CCDC149: variants seen among roughly 807,000 people sequenced by gnomAD.
CCDC149 encodes coiled-coil domain containing 149, also known as coiled-coil domain-containing protein 149.
In CCDC149, 45 loss-of-function variants were observed where a neutral mutation model predicts 59.9. The ratio of observed to expected loss-of-function variants is 0.75; its 90% CI spans 0.59 to 0.96. CCDC149 has a LOEUF of 0.96. CCDC149 is among the 40% of genes least tolerant of loss of function. CCDC149 has a pLI of 0.00. For synonymous variants in CCDC149, 245 were observed against 260.6 expected, an observed-to-expected ratio of 0.94 and a Z score of 0.58; for missense variants, 584 against 664.7, an observed-to-expected ratio of 0.88 and a Z score of 1.33.
At chr4:24,950,193 G>A (rs991699330) in intron 1 of CCDC149, among the ~76,000 whole-genome samples, 1 of 152,224 alleles carries the variant, frequency 6.6e-6, no homozygotes, top group Non-Finnish European at 1.5e-5. Context: ...ATATCACAGT[G>A]AGAATGCAAA....
At chr4:24,922,268 C>T (rs73250628) in intron 1 of CCDC149, among the ~76,000 whole-genome samples, 17,256 of 152,166 alleles carry the variant, frequency 0.11, 1,080 homozygotes, top group African/African-American at 0.16. Context: ...TCCCCCACCC[C>T]GTTATAACAA....
intron 4 of CCDC149, among the ~76,000 whole-genome samples, chr4:24,844,681 T>C (rs1433200886): frequency 1.3e-5 from 2 of 151,932 alleles, no homozygotes; most frequent in Non-Finnish European, 2.9e-5. Context: ...GCTGAGGCAG[T>C]TGAATTGCTT....
intron 3 of CCDC149, among the ~76,000 whole-genome samples, chr4:24,860,267 T>C (rs551384788): frequency 1.2e-4 from 18 of 152,218 alleles, no homozygotes; most frequent in African/African-American, 4.3e-4. Flanking sequence ...TGGAGCAGAA[T>C]AGAGAAGCCA....
chr4:24,908,873 T>C (rs906806003), intron 1 of CCDC149, among the ~76,000 whole-genome samples: 2 of 152,326 alleles, frequency 1.3e-5, no homozygotes, highest in African/African-American at 2.4e-5. Context: ...TAGTTTATCA[T>C]AGAGTGGTGG....
chr4:24,906,656 C>T (rs971258463), intron 1 of CCDC149, among the ~76,000 whole-genome samples: 1 of 152,014 alleles, frequency 6.6e-6, no homozygotes, highest in African/African-American at 2.4e-5. Context: ...CCTCAGCCTC[C>T]CAAAGTCCTG....
intron 11 of CCDC149, 26 bp from the exon 12 acceptor site, chr4:24,820,001 T>C: frequency 6.6e-7 from 1 of 1,506,942 alleles, no homozygotes. Flanking sequence ...GGAAAATGGA[T>C]GTCTTATATC....
chr4:24,907,991 T>A (rs1291149094), intron 1 of CCDC149, among the ~76,000 whole-genome samples: 1 of 152,168 alleles, frequency 6.6e-6, no homozygotes, highest in Non-Finnish European at 1.5e-5. Context: ...CTTCTCTTTG[T>A]GCATCTCTGT....
chr4:24,953,456 G>A (rs1723372528), intron 1 of CCDC149, among the ~76,000 whole-genome samples: 1 of 152,132 alleles, frequency 6.6e-6, no homozygotes, highest in African/African-American at 2.4e-5. Context: ...GCCTGTACTA[G>A]CAAAATTAGA....
chr4:24,834,834 C>G (rs964877438), intron 8 of CCDC149, 114 bp downstream of exon 8: 1 of 673,622 alleles, frequency 1.5e-6, no homozygotes, highest in Admixed American at 2.5e-5. Flanking sequence ...AGCCACTGTT[C>G]TATGGATCGC....
intron 9 of CCDC149, among the ~76,000 whole-genome samples, chr4:24,826,083 G>A (rs1390223162): frequency 1.3e-5 from 2 of 151,852 alleles, no homozygotes; most frequent in Non-Finnish European, 2.9e-5. Context: ...AGCCTCCCGA[G>A]TAGCTGGGAC....
chr4:24,823,744 TCC>T (rs1715553742), intron 9 of CCDC149, among the ~76,000 whole-genome samples: 1 of 152,202 alleles, frequency 6.6e-6, no homozygotes, highest in South Asian at 2.1e-4. Context: ...TAATTAATAT[TCC>T]CTTTGAGTTC....
At chr4:24,825,978 C>T (rs1197134278) in intron 9 of CCDC149, among the ~76,000 whole-genome samples, 1 of 151,798 alleles carries the variant, frequency 6.6e-6, no homozygotes, top group Admixed American at 6.6e-5. Context: ...TTTTAAGAGA[C>T]GTAGTCTTAC....
chr4:24,837,409 A>G lies in CCDC149; in HGVS notation c.490-9T>C, dbSNP rs1560209977. On this transcript the variant is annotated splice_polypyrimidine_tract_variant and intron_variant, in intron 5 of 12. Coordinates refer to ENST00000635206, the MANE Select transcript of CCDC149 (RefSeq NM_001330643.2). This position sits in a 1 kb window ranked among gnomAD's most constrained non-coding sequence, Gnocchi z 4.3. ...TGCTCCAGAGACTCAATCTAAAACC[A>G]CAGGGAGAGCCCTTACTCAAGATGT... The G allele has an allele frequency of 6.2e-7, 1 of 1,613,766 alleles. No homozygotes were observed. The highest frequency in any genetic ancestry group is 2.2e-5 in the East Asian group (1 of 44,868).
chr4:24,809,865 T>C (rs915330283), intron 12 of CCDC149, among the ~76,000 whole-genome samples: 1 of 152,218 alleles, frequency 6.6e-6, no homozygotes, highest in African/African-American at 2.4e-5. Context: ...AAGTTGGAAC[T>C]TGGGGAGCTG....
intron 4 of CCDC149, among the ~76,000 whole-genome samples, chr4:24,850,312 A>G (rs1418835435): frequency 6.6e-6 from 1 of 152,208 alleles, no homozygotes; most frequent in Non-Finnish European, 1.5e-5. Flanking sequence ...TCGGCCCTCA[A>G]AGAGCTTCCC....
intron 3 of CCDC149, among the ~76,000 whole-genome samples, chr4:24,863,984 A>G (rs1718532616): frequency 1.3e-5 from 2 of 152,052 alleles, no homozygotes; most frequent in African/African-American, 4.8e-5. Context: ...CCATTGTTCC[A>G]TCTGCGAGGG....
chr4:24,865,883 T>C (rs1302580688), intron 3 of CCDC149, among the ~76,000 whole-genome samples: 1 of 152,188 alleles, frequency 6.6e-6, no homozygotes, highest in African/African-American at 2.4e-5. Context: ...GCATTAGTCC[T>C]CACAATAAAG....
rs147532689 is a variant in CCDC149, at chr4:24,844,584, T to C, written c.373-6312A>G. Among the ~76,000 whole-genome samples, 983 of 151,994 alleles carry C rather than the reference T, an allele frequency of 6.5e-3. 12 individuals carry two copies. Among genetic ancestry groups the C allele is most frequent in the African/African-American group, 0.022 (916 of 41,472 alleles). On this transcript the variant is annotated intron_variant, in intron 4 of 12. Coordinates refer to ENST00000635206, the MANE Select transcript of CCDC149 (RefSeq NM_001330643.2). ...GGTCAGGAGTTCGAGGACAGCCTGG[T>C]CAACATGGTGAAACTCCGTCTCAAC...
chr4:24,885,539 C>G (rs558469502), intron 1 of CCDC149, among the ~76,000 whole-genome samples: 82 of 152,332 alleles, frequency 5.4e-4, no homozygotes, highest in African/African-American at 2.0e-3. Context: ...GTGGTTTCAG[C>G]CTCCGCCGTG....
Sources: allele counts gnomAD v4.1 joint callset (sites outside exome capture counted in the v4.1 genomes callset), GRCh38; gene constraint gnomAD v4.1.1; non-coding constraint Gnocchi (gnomAD v3.1); transcripts MANE v1.5; gene names NCBI Gene and HGNC (gene_info 2026-07-23, HGNC 2026-07-21).